CERS5: variants seen among roughly 807,000 people sequenced by gnomAD.
CERS5 encodes LAG1 homolog, ceramide synthase 5.
In CERS5, 37 loss-of-function variants were observed where a neutral mutation model predicts 58.9. The ratio of observed to expected loss-of-function variants is 0.63; its 90% CI spans 0.48 to 0.83. The LOEUF (loss-of-function observed/expected upper bound fraction) is 0.83. Among genes scored for constraint, CERS5 ranks in the 40% least tolerant of loss-of-function variants. The pLI, the probability that CERS5 is intolerant of heterozygous loss-of-function variation, is 0.00. For missense variants in CERS5, 398 were observed against 489.3 expected (o/e 0.81, Z 1.76); for synonymous variants, 147 against 177.8 (o/e 0.83, Z 1.38).
chr12:50,144,176 G>A, intron 1 of CERS5, 119 bp from the exon 2 acceptor site: 1 of 612,234 alleles, frequency 1.6e-6, no homozygotes. Flanking sequence ...TGTATACATA[G>A]TATAATGATG....
intron 6 of CERS5, 31 bp downstream of exon 6, chr12:50,137,697 G>T: frequency 8.4e-7 from 1 of 1,190,812 alleles, no homozygotes; most frequent in Non-Finnish European, 1.2e-6. Context: ...GATGTAATAA[G>T]TTGGGGAATT....
intron 1 of CERS5, among the ~76,000 whole-genome samples, chr12:50,151,743 C>T (rs1937983172): frequency 6.6e-6 from 1 of 152,170 alleles, no homozygotes; most frequent in Non-Finnish European, 1.5e-5. Flanking sequence ...ACCTCCACCT[C>T]CCAGGTTCGA....
intron 1 of CERS5, among the ~76,000 whole-genome samples, chr12:50,161,794 A>AAAAAAAAAAAAAAAAAAAAAAC: frequency 6.7e-6 from 1 of 149,760 alleles, no homozygotes; most frequent in Non-Finnish European, 1.5e-5. Flanking sequence ...GAAAAAAAAA[A>AAAAAAAAAAAAAAAAAAAAAAC]AAAAAAGCAA....
intron 1 of CERS5, among the ~76,000 whole-genome samples, chr12:50,158,626 C>A (rs948297657): frequency 6.6e-6 from 1 of 152,050 alleles, no homozygotes; most frequent in Non-Finnish European, 1.5e-5. Flanking sequence ...GATAACCTAC[C>A]AGTTTGGTGT....
intron 1 of CERS5, among the ~76,000 whole-genome samples, chr12:50,147,080 C>A (rs1952322014): frequency 6.6e-6 from 1 of 152,038 alleles, no homozygotes; most frequent in African/African-American, 2.4e-5. Context: ...CTACATCATA[C>A]AAAAGGTTGG....
intron 3 of CERS5, among the ~76,000 whole-genome samples, chr12:50,142,461 A>G (rs957268576): frequency 6.6e-6 from 1 of 151,572 alleles, no homozygotes; most frequent in Non-Finnish European, 1.5e-5. Flanking sequence ...GAGGCAGGAG[A>G]ATCGCTTGGA....
In CERS5 at chr12:50,139,662, G is replaced by A. The variant is rs546313878; in HGVS notation, c.493-1045C>T. ...ACAAAAATTAGCTGGGCCTGGTGGCGTATTCCTGTAGTCCCAGCTACTAGG... is the reference window on the plus strand; with the variant it reads ...ACAAAAATTAGCTGGGCCTGGTGGCATATTCCTGTAGTCCCAGCTACTAGG... On this transcript the variant is annotated intron_variant, in intron 4 of 9. Coordinates refer to ENST00000317551, the MANE Select transcript of CERS5 (RefSeq NM_147190.5). 4.6e-5 allele frequency among the ~76,000 whole-genome samples: 7 copies of A among 152,062 alleles called. No individual in the cohort carries two copies. The East Asian group carries it at 1.2e-3, about 25-fold the overall frequency.
chr12:50,149,112 G>A lies in CERS5; in HGVS notation c.198-5055C>T, dbSNP rs1050716538. Among the ~76,000 whole-genome samples, 21 of 151,650 alleles carry A rather than the reference G, an allele frequency of 1.4e-4. 2 individuals carry two copies. The South Asian group carries it at 2.3e-3, about 17-fold the overall frequency. ...GGATCCTTGAAAATTTTTTAAGATT[G>A]TAAAGGAGTCCTGAGATCATAGTTT... is the stretch of plus-strand genomic sequence containing the variant. On this transcript the variant is annotated intron_variant, in intron 1 of 9. Coordinates refer to ENST00000317551, the MANE Select transcript of CERS5 (RefSeq NM_147190.5).
rs771033566 is a variant in CERS5, at chr12:50,134,545, C to A, written c.1029+1G>T. On this transcript the variant is annotated splice_donor_variant, in intron 9 of 9. Coordinates refer to ENST00000317551, the MANE Select transcript of CERS5 (RefSeq NM_147190.5). LOFTEE classifies it high-confidence loss of function. ...AGAAAGAAGCCATCTTTCATCCTCA[C>A]CTTTCCCCTGATCAAGGCTTTCAAA... 2.1e-5 allele frequency: 34 copies of A among 1,614,040 alleles called. 1 individual carries two copies. The highest frequency in any genetic ancestry group is 8.5e-7 in the Non-Finnish European group (1 of 1,180,038).
chr12:50,145,472 C>T (rs951237512), intron 1 of CERS5, among the ~76,000 whole-genome samples: 25 of 151,948 alleles, frequency 1.6e-4, no homozygotes, highest in African/African-American at 4.3e-4. Flanking sequence ...AATGGAGTGC[C>T]GTTAACCTAT....
At chr12:50,163,792 A>G (rs1282031897) in intron 1 of CERS5, among the ~76,000 whole-genome samples, 11 of 151,976 alleles carry the variant, frequency 7.2e-5, no homozygotes, top group East Asian at 1.9e-4. Flanking sequence ...ACTAGAGACT[A>G]TAGGCATGCA....
rs913462710 is a variant in CERS5, at chr12:50,129,537, G to A, written c.*1008C>T. The A allele has an allele frequency of 1.5e-5, 2 of 137,738 alleles. No individual in the cohort carries two copies. Among genetic ancestry groups the A allele is most frequent in the Non-Finnish European group, 3.0e-5 (2 of 65,940 alleles). 8.5% of individuals were successfully genotyped at this position (137,738 alleles called of 1,614,324 possible). On this transcript the variant is annotated 3_prime_UTR_variant, in exon 10 of 10. Transcript: ENST00000317551. ...TTTTTTTTTTTTTAGACAGAGTCTC[G>A]GTCTGTCGCCCAGGCTGGAGTGCAG...
At position 50,129,832 on chromosome 12, in the gene CERS5, A is replaced by T. The variant is rs1489636059; in HGVS notation, c.*713T>A. 6.7e-6 allele frequency: 1 copy of T among 148,644 alleles called. No homozygotes were observed. Among genetic ancestry groups the T allele is most frequent in the Non-Finnish European group, 1.5e-5 (1 of 67,352 alleles). The allele number at this position is 148,644 out of a possible 1,614,324, so 9.2% of individuals were successfully genotyped here. ...GCACTTTTAATCACAAACAAACAAT[A>T]GTATAAGACCGTGAACAGCTCACCC... is the stretch of plus-strand genomic sequence containing the variant. On this transcript the variant is annotated 3_prime_UTR_variant, in exon 10 of 10. Coordinates refer to ENST00000317551, the MANE Select transcript of CERS5 (RefSeq NM_147190.5).
At chr12:50,143,535 C>T in intron 2 of CERS5, 1 of 273,970 alleles carries the variant, frequency 3.7e-6, no homozygotes, top group South Asian at 6.8e-5. Flanking sequence ...TGGCTTGAGC[C>T]CAGGAGTCCG....
At chr12:50,159,652 G>A (rs1939048684) in intron 1 of CERS5, among the ~76,000 whole-genome samples, 1 of 152,030 alleles carries the variant, frequency 6.6e-6, no homozygotes, top group South Asian at 2.1e-4. Flanking sequence ...GGAGTGCAAT[G>A]GTGCGATCTT....
chr12:50,133,031 G>A (rs2242507), intron 9 of CERS5: 358,107 of 1,288,432 alleles, frequency 0.28, 53,521 homozygotes, highest in East Asian at 0.75. Context: ...AAAGAGTGGA[G>A]AGTACAGGGT....
At chr12:50,149,054 A>G (rs1264285411) in intron 1 of CERS5, among the ~76,000 whole-genome samples, 1 of 150,644 alleles carries the variant, frequency 6.6e-6, no homozygotes, top group Non-Finnish European at 1.5e-5. Context: ...GTAGACATTG[A>G]TAGGTACTAT....
chr12:50,148,918 AAAAAAAAAAAT>A (rs1187275005), intron 1 of CERS5, among the ~76,000 whole-genome samples: 67 of 101,654 alleles, frequency 6.6e-4, no homozygotes, highest in African/African-American at 2.7e-3. Flanking sequence ...AAAAAAAAAA[AAAAAAAAAAAT>A]ATATATATAT....
Position 50,137,781 on chromosome 12 carries a change from A to G in CERS5, c.583T>C (p.Leu195=), listed in dbSNP as rs774144063. 5 of 1,609,936 alleles carry G rather than the reference A, an allele frequency of 3.1e-6. No homozygotes were observed. In the Admixed American group the frequency reaches 8.3e-5, roughly 27 times the overall value. Residue 195 remains leucine, a synonymous_variant, in exon 6 of 10, where the codon TTG becomes CTG. Coordinates refer to ENST00000317551, the MANE Select transcript of CERS5 (RefSeq NM_147190.5). The stretch of plus-strand genomic sequence containing the variant: ...AACATAAGGGACCAATAGAAGGCCA[A>G]TTCCATGATATAATAGTGATAAAGC... ...SGLYHYYIME[L]AFYWSLMFSQ...
Sources: allele counts gnomAD v4.1 joint callset (sites outside exome capture counted in the v4.1 genomes callset), GRCh38; gene constraint gnomAD v4.1.1; transcripts MANE v1.5; gene names NCBI Gene and HGNC (gene_info 2026-07-23, HGNC 2026-07-21).